Variants in LRBA observed in about 807,000 individuals in gnomAD.
The protein encoded by LRBA is lipopolysaccharide-responsive and beige-like anchor protein.
LRBA carries 176 observed loss-of-function variants against 330.0 expected under a neutral mutation model. That is an observed-to-expected ratio of 0.53 (90% CI 0.47 to 0.60). The LOEUF (loss-of-function observed/expected upper bound fraction) is 0.60, where lower values mean the gene tolerates loss of function less well. LRBA is among the 20% of genes least tolerant of loss of function. LRBA has a pLI of 0.00. For synonymous variants in LRBA, 1,230 were observed against 1,193.0 expected (o/e 1.03, Z -0.64); for missense variants, 3,259 against 3,444.8 (o/e 0.95, Z 1.35).
At chr4:150,392,847 C>T (rs1211949435) in intron 47 of LRBA, among the ~76,000 whole-genome samples, 4 of 127,142 alleles carry the variant, frequency 3.1e-5, no homozygotes, top group Admixed American at 2.8e-4. Flanking sequence ...CAGGGCCTAT[C>T]GAGGGGTGGG....
intron 46 of LRBA, among the ~76,000 whole-genome samples, chr4:150,435,194 C>CA (rs1015150065): frequency 2.6e-5 from 4 of 151,344 alleles, no homozygotes; most frequent in East Asian, 2.0e-4. Context: ...AAAAAAAATA[C>CA]AAAAAAACTA....
chr4:150,831,726 G>C, intron 29 of LRBA, 91 bp downstream of exon 29: 1 of 1,018,914 alleles, frequency 9.8e-7, no homozygotes, highest in Non-Finnish European at 1.4e-6. Context: ...CACAGAAATG[G>C]ATTTAAATTC....
intron 40 of LRBA, among the ~76,000 whole-genome samples, chr4:150,577,081 A>G (rs1770643054): frequency 6.6e-6 from 1 of 151,994 alleles, no homozygotes; most frequent in African/African-American, 2.4e-5. Flanking sequence ...GATTGATTCC[A>G]GAATAATAAT....
At chr4:150,353,691 A>G (rs890747306) in intron 47 of LRBA, among the ~76,000 whole-genome samples, 4 of 152,202 alleles carry the variant, frequency 2.6e-5, no homozygotes, top group Admixed American at 1.3e-4. Flanking sequence ...CTGCAAACAC[A>G]CATGCAGAGA....
intron 47 of LRBA, among the ~76,000 whole-genome samples, chr4:150,354,357 G>T (rs930881909): frequency 1.3e-5 from 2 of 151,882 alleles, no homozygotes; most frequent in Non-Finnish European, 2.9e-5. Context: ...CTTCAAAACC[G>T]ACAGTCCTCA....
chr4:150,600,405 CT>C (rs1217729139), intron 37 of LRBA, among the ~76,000 whole-genome samples: 1 of 152,050 alleles, frequency 6.6e-6, no homozygotes, highest in Non-Finnish European at 1.5e-5. Context: ...AAGATGTTCT[CT>C]TTAAAAATTC....
chr4:150,330,740 C>T (rs1040517482), intron 48 of LRBA, among the ~76,000 whole-genome samples: 2 of 152,084 alleles, frequency 1.3e-5, no homozygotes, highest in African/African-American at 2.4e-5. Context: ...GGCTGTGGCT[C>T]GGCGGTCAGG....
intron 36 of LRBA, among the ~76,000 whole-genome samples, chr4:150,689,891 C>T (rs1224944783): frequency 6.6e-6 from 1 of 151,876 alleles, no homozygotes; most frequent in African/African-American, 2.4e-5. Flanking sequence ...TGCCACTGCA[C>T]TCCAGCCTGG....
intron 17 of LRBA, among the ~76,000 whole-genome samples, chr4:150,885,611 ACT>A (rs1309197604): frequency 5.9e-5 from 9 of 151,998 alleles, no homozygotes; most frequent in East Asian, 5.8e-4. Context: ...ACAGAGGGAG[ACT>A]CTGTCTCAAA....
intron 47 of LRBA, among the ~76,000 whole-genome samples, chr4:150,410,184 T>C (rs923082604): frequency 1.3e-5 from 2 of 152,144 alleles, no homozygotes; most frequent in Non-Finnish European, 2.9e-5. Flanking sequence ...TCTGTCTCTA[T>C]GCTGTCATCA....
At chr4:150,497,137 C>G (rs1009332925) in intron 40 of LRBA, among the ~76,000 whole-genome samples, 5 of 151,986 alleles carry the variant, frequency 3.3e-5, no homozygotes, top group African/African-American at 9.7e-5. Flanking sequence ...GAATTTTAAT[C>G]AAGTATTTTA....
intron 40 of LRBA, among the ~76,000 whole-genome samples, chr4:150,494,539 C>T (rs556700273): frequency 5.5e-4 from 83 of 152,288 alleles, no homozygotes; most frequent in African/African-American, 2.0e-3. Context: ...GAGTATACTA[C>T]AGCATTGTTA....
At chr4:150,464,022 AT>A (rs1280492391) in intron 44 of LRBA, among the ~76,000 whole-genome samples, 2 of 149,776 alleles carry the variant, frequency 1.3e-5, no homozygotes, top group Non-Finnish European at 3.0e-5. Context: ...AAAAAAAAAA[AT>A]AACCTCCCAC....
At chr4:150,480,476 G>C (rs1225038577) in intron 42 of LRBA, among the ~76,000 whole-genome samples, 3 of 151,784 alleles carry the variant, frequency 2.0e-5, no homozygotes, top group Non-Finnish European at 4.4e-5. Flanking sequence ...ATGTAATAGA[G>C]CAAAATCCAA....
chr4:150,737,493 A>G (rs1050457191), intron 35 of LRBA, among the ~76,000 whole-genome samples: 1 of 148,672 alleles, frequency 6.7e-6, no homozygotes, highest in African/African-American at 2.4e-5. Context: ...GAACGAAGGA[A>G]AAAGAGAGAG....
At chr4:150,555,018 G>T (rs1394921327) in intron 40 of LRBA, among the ~76,000 whole-genome samples, 1 of 152,082 alleles carries the variant, frequency 6.6e-6, no homozygotes, top group Non-Finnish European at 1.5e-5. Flanking sequence ...TAGTTGTAAG[G>T]GTTAGATAAC....
intron 26 of LRBA, among the ~76,000 whole-genome samples, 163 bp downstream of exon 26, chr4:150,848,655 T>A (rs1647917963): frequency 2.0e-5 from 3 of 151,462 alleles, no homozygotes; most frequent in African/African-American, 2.4e-5. Flanking sequence ...TTCTTGCCCA[T>A]CCAACTTACC....
chr4:150,459,165 G>C (rs1357291933), intron 44 of LRBA, among the ~76,000 whole-genome samples: 1 of 151,888 alleles, frequency 6.6e-6, no homozygotes, highest in Non-Finnish European at 1.5e-5. Flanking sequence ...CTAATAGCAT[G>C]ACAGCAGAAG....
chr4:150,622,887 T>C (rs1053757206), intron 37 of LRBA, among the ~76,000 whole-genome samples: 1 of 151,888 alleles, frequency 6.6e-6, no homozygotes, highest in Non-Finnish European at 1.5e-5. Context: ...TTAGTAGAGA[T>C]GGGGTTTCAC....
Sources: gnomAD v4.1 joint callset for allele counts (sites outside exome capture counted in the v4.1 genomes callset) on GRCh38, gnomAD v4.1.1 for gene constraint, MANE v1.5 for transcripts, NCBI Gene and HGNC (gene_info 2026-07-23, HGNC 2026-07-21) for gene names.